CTNNA1: variants seen among roughly 807,000 people sequenced by gnomAD.
CTNNA1 encodes the protein catenin alpha 1, also known as catenin alpha-1.
In CTNNA1, 37 loss-of-function variants were observed where a neutral mutation model predicts 98.4. That is an observed-to-expected ratio of 0.38 (90% CI 0.29 to 0.49). The LOEUF is 0.49. Ranked by LOEUF, CTNNA1 falls within the 20% of genes least tolerant of loss-of-function variation. CTNNA1 has a pLI of 0.95. For missense variants in CTNNA1, 761 were observed against 1,147.2 expected (o/e 0.66, Z 4.86); for synonymous variants, 404 against 413.2 (o/e 0.98, Z 0.27).
At position 138,808,028 on chromosome 5, in the gene CTNNA1, G is replaced by C. The variant is rs575829344; in HGVS notation, c.302-2010G>C. Among the ~76,000 whole-genome samples, 10 of 152,214 alleles carry C rather than the reference G, an allele frequency of 6.6e-5. No homozygotes were observed. The East Asian group carries it at 1.9e-3, about 29-fold the overall frequency. ...AGCCTCCCAAAGTGCTGGGATTACA[G>C]GTGTGAACTACCGTGCCCAGCCTAA... On this transcript the variant is annotated intron_variant, in intron 3 of 17. Coordinates refer to ENST00000302763, the MANE Select transcript of CTNNA1 (RefSeq NM_001903.5).
chr5:138,861,731 T>C (rs1439221117), intron 7 of CTNNA1, among the ~76,000 whole-genome samples: 1 of 152,162 alleles, frequency 6.6e-6, no homozygotes, highest in Non-Finnish European at 1.5e-5. Flanking sequence ...CTTTTAAAAG[T>C]GAAAGCAAAA....
At chr5:138,861,195 A>G (rs1444866133) in intron 7 of CTNNA1, among the ~76,000 whole-genome samples, 1 of 151,768 alleles carries the variant, frequency 6.6e-6, no homozygotes, top group Non-Finnish European at 1.5e-5. Context: ...TAATTTTTGT[A>G]CTTTTAGTAG....
At chr5:138,846,334 C>CA (rs1397197075) in intron 7 of CTNNA1, among the ~76,000 whole-genome samples, 2 of 151,918 alleles carry the variant, frequency 1.3e-5, no homozygotes, top group African/African-American at 4.8e-5. Flanking sequence ...GTGAATAAAC[C>CA]AAAAAAACAT....
At chr5:138,837,802 T>C (rs1247752028) in intron 7 of CTNNA1, among the ~76,000 whole-genome samples, 1 of 150,552 alleles carries the variant, frequency 6.6e-6, no homozygotes, top group Non-Finnish European at 1.5e-5. Context: ...TTTGTATTTT[T>C]TGTAGATATG....
At chr5:138,755,136 C>G (rs958240653) in intron 1 of CTNNA1, 7 of 151,864 alleles carry the variant, frequency 4.6e-5, no homozygotes, top group African/African-American at 1.7e-4. Flanking sequence ...GAGACACACA[C>G]CCCAGGTGTA....
intron 7 of CTNNA1, among the ~76,000 whole-genome samples, chr5:138,883,966 T>C (rs1748783893): frequency 6.6e-6 from 1 of 152,032 alleles, no homozygotes; most frequent in African/African-American, 2.4e-5. Context: ...CAAGAAAGAG[T>C]CAAACTCTGT....
intron 4 of CTNNA1, among the ~76,000 whole-genome samples, chr5:138,811,808 A>G (rs1758836827): frequency 6.6e-6 from 1 of 152,166 alleles, no homozygotes; most frequent in Non-Finnish European, 1.5e-5. Context: ...AATCGCAGGC[A>G]CTCGGCAGGC....
chr5:138,903,274 G>A (rs916804447), intron 9 of CTNNA1, among the ~76,000 whole-genome samples: 60 of 152,176 alleles, frequency 3.9e-4, no homozygotes, highest in African/African-American at 1.4e-3. Flanking sequence ...CCGTAATAGT[G>A]TATAATTTTT....
At chr5:138,768,572 T>G (rs1753190607) in intron 1 of CTNNA1, among the ~76,000 whole-genome samples, 2 of 146,928 alleles carry the variant, frequency 1.4e-5, no homozygotes, top group South Asian at 2.2e-4. Flanking sequence ...TTTTTTTTTT[T>G]TTTTTTTTTT....
intron 10 of CTNNA1, 139 bp from the exon 11 acceptor site, chr5:138,917,599 AACTT>A: frequency 2.6e-6 from 2 of 765,534 alleles, no homozygotes; most frequent in Non-Finnish European, 2.0e-6. Flanking sequence ...CACCATATAA[AACTT>A]ACTGTTTTAC....
intron 1 of CTNNA1, among the ~76,000 whole-genome samples, chr5:138,780,632 C>T (rs1298165425): frequency 1.3e-5 from 2 of 152,064 alleles, no homozygotes; most frequent in African/African-American, 4.8e-5. Context: ...ATTCTTCTGC[C>T]TCAGCCTCCC....
At chr5:138,855,703 T>C (rs1345992257) in intron 7 of CTNNA1, among the ~76,000 whole-genome samples, 1 of 152,184 alleles carries the variant, frequency 6.6e-6, no homozygotes, top group Admixed American at 6.5e-5. Flanking sequence ...TTCCTTCTTA[T>C]AAAAAGAGCT....
intron 3 of CTNNA1, among the ~76,000 whole-genome samples, chr5:138,807,809 G>A (rs1182142693): frequency 2.0e-5 from 3 of 152,042 alleles, no homozygotes; most frequent in East Asian, 1.9e-4. Flanking sequence ...GTGCAGTGGC[G>A]TGTTCTCGGT....
chr5:138,780,575 T>G (rs989557648), intron 1 of CTNNA1, among the ~76,000 whole-genome samples: 6 of 151,740 alleles, frequency 4.0e-5, no homozygotes, highest in African/African-American at 1.5e-4. Flanking sequence ...TGGAGTGCAA[T>G]GGCACAATCT....
intron 1 of CTNNA1, among the ~76,000 whole-genome samples, chr5:138,768,255 T>C (rs1487626784): frequency 6.6e-6 from 1 of 152,160 alleles, no homozygotes; most frequent in African/African-American, 2.4e-5. Context: ...ATAGGTGTGA[T>C]GATGTTTTTT....
chr5:138,848,211 C>G (rs1408291098), intron 7 of CTNNA1, among the ~76,000 whole-genome samples: 1 of 152,210 alleles, frequency 6.6e-6, no homozygotes, highest in Non-Finnish European at 1.5e-5. Context: ...TAAGCTTTCC[C>G]AAGTCTATGT....
intron 10 of CTNNA1, among the ~76,000 whole-genome samples, chr5:138,907,659 GTAGT>G (rs1759565871): frequency 6.6e-6 from 1 of 152,214 alleles, no homozygotes; most frequent in South Asian, 2.1e-4. Flanking sequence ...GGTAACTAGG[GTAGT>G]TAGTTAATTC....
chr5:138,753,604 CGCGG>C (rs1404549141), intron 1 of CTNNA1, 94 bp downstream of exon 1: 171 of 332,602 alleles, frequency 5.1e-4, no homozygotes, highest in African/African-American at 3.8e-3. Flanking sequence ...CCCCGCGAGC[CGCGG>C]GCGGGCGAGC....
At chr5:138,776,831 C>T (rs1275941437) in intron 1 of CTNNA1, among the ~76,000 whole-genome samples, 4 of 86,502 alleles carry the variant, frequency 4.6e-5, no homozygotes, top group African/African-American at 1.3e-4. Context: ...CCGGACGGGG[C>T]GGCTGGCCGG....
Sources: gnomAD v4.1 joint callset for allele counts (sites outside exome capture counted in the v4.1 genomes callset) on GRCh38, gnomAD v4.1.1 for gene constraint, MANE v1.5 for transcripts, NCBI Gene and HGNC (gene_info 2026-07-23, HGNC 2026-07-21) for gene names.